KDM4C: variants seen among roughly 807,000 people sequenced by gnomAD.
KDM4C encodes lysine-specific demethylase 4C.
KDM4C carries 81 observed loss-of-function variants against 129.3 expected under a neutral mutation model. The observed-to-expected ratio is 0.63, with a 90% CI of 0.52 to 0.75. KDM4C has a LOEUF of 0.75. Among genes scored for constraint, KDM4C ranks in the 30% least tolerant of loss-of-function variants. KDM4C has a pLI of 0.00. For synonymous variants in KDM4C, 573 were observed against 456.1 expected (o/e 1.26, Z -3.26); for missense variants, 1,457 against 1,304.0 (o/e 1.12, Z -1.81).
At chr9:7,052,355 T>A (rs889835568) in intron 17 of KDM4C, among the ~76,000 whole-genome samples, 2 of 152,234 alleles carry the variant, frequency 1.3e-5, no homozygotes, top group African/African-American at 4.8e-5. Context: ...TATGTGTATA[T>A]GCACATAGTA....
chr9:6,932,937 C>CATGCAT (rs1268906666), intron 8 of KDM4C, among the ~76,000 whole-genome samples: 1 of 152,192 alleles, frequency 6.6e-6, no homozygotes, highest in Admixed American at 6.5e-5. Flanking sequence ...AACCATCTTT[C>CATGCAT]ATGCATTAAG....
At chr9:6,750,718 G>A (rs1445105484) in intron 1 of KDM4C, among the ~76,000 whole-genome samples, 2 of 152,226 alleles carry the variant, frequency 1.3e-5, no homozygotes, top group African/African-American at 4.8e-5. Flanking sequence ...GGCTCAACAA[G>A]GTCAGAAAGT....
At chr9:6,803,135 G>T (rs1264466687) in intron 2 of KDM4C, among the ~76,000 whole-genome samples, 1 of 152,106 alleles carries the variant, frequency 6.6e-6, no homozygotes, top group Non-Finnish European at 1.5e-5. Flanking sequence ...GCGCTTGGAG[G>T]GCCTGTATCG....
intron 19 of KDM4C, among the ~76,000 whole-genome samples, chr9:7,140,118 T>G (rs746611845): frequency 1.6e-4 from 24 of 152,136 alleles, no homozygotes; most frequent in Non-Finnish European, 2.2e-4. Context: ...TTCAGGTGTT[T>G]CCCATGTATT....
At chr9:6,896,864 C>T (rs1816544387) in intron 8 of KDM4C, among the ~76,000 whole-genome samples, 1 of 152,184 alleles carries the variant, frequency 6.6e-6, no homozygotes, top group Non-Finnish European at 1.5e-5. Context: ...CTGTTGGCTA[C>T]TTGACTTCTT....
chr9:7,151,826 G>A (rs759344747), intron 19 of KDM4C, among the ~76,000 whole-genome samples: 1 of 152,176 alleles, frequency 6.6e-6, no homozygotes, highest in Non-Finnish European at 1.5e-5. Context: ...CACAGAACAC[G>A]CTTAGATACA....
In KDM4C at chr9:7,131,491, A is replaced by G. The variant is rs138026822; in HGVS notation, c.2781+3255A>G. Reference sequence around the variant, plus strand: ...ATTATGGAGGCTGAGAAGTCCCAAGATATTTTTGTAGAGATGGGGTCTCAC... The same window carrying G: ...ATTATGGAGGCTGAGAAGTCCCAAGGTATTTTTGTAGAGATGGGGTCTCAC... On this transcript the variant is annotated intron_variant, in intron 19 of 21. Coordinates refer to ENST00000381309, the MANE Select transcript of KDM4C (RefSeq NM_015061.6). Among the ~76,000 whole-genome samples the G allele has an allele frequency of 5.3e-5, 8 of 152,132 alleles. No homozygotes were observed. In the East Asian group the frequency reaches 1.6e-3, roughly 30 times the overall value.
chr9:7,028,188 T>C (rs1042083302), intron 15 of KDM4C, among the ~76,000 whole-genome samples: 1 of 151,958 alleles, frequency 6.6e-6, no homozygotes, highest in African/African-American at 2.4e-5. Flanking sequence ...TACCTAGGAA[T>C]GTGCTGACTT....
intron 20 of KDM4C, among the ~76,000 whole-genome samples, chr9:7,165,564 GC>G (rs1467937635): frequency 6.6e-6 from 1 of 152,242 alleles, no homozygotes; most frequent in Non-Finnish European, 1.5e-5. Flanking sequence ...ACTCTTAACA[GC>G]ATTTGATGAA....
chr9:7,002,923 C>T (rs146771240), intron 12 of KDM4C, among the ~76,000 whole-genome samples: 4 of 152,308 alleles, frequency 2.6e-5, no homozygotes, highest in African/African-American at 7.2e-5. Flanking sequence ...TGCGGTGGCA[C>T]GATCTCGGCT....
chr9:6,786,337 G>C (rs72699665), intron 1 of KDM4C, among the ~76,000 whole-genome samples: 12,183 of 152,218 alleles, frequency 0.08, 696 homozygotes, highest in South Asian at 0.23. Flanking sequence ...ATATGAGTTA[G>C]TGCTGGACTT....
chr9:6,787,660 C>G (rs1443702542), intron 1 of KDM4C, among the ~76,000 whole-genome samples: 2 of 152,254 alleles, frequency 1.3e-5, no homozygotes, highest in Admixed American at 1.3e-4. Flanking sequence ...CCATCATGGT[C>G]CAAGCTGCCG....
At chr9:6,762,000 G>A (rs1394370231) in intron 1 of KDM4C, among the ~76,000 whole-genome samples, 1 of 151,782 alleles carries the variant, frequency 6.6e-6, no homozygotes, top group African/African-American at 2.4e-5. Context: ...GGGTTTCACC[G>A]TGTTGGCCAG....
At chr9:6,992,367 G>A (rs1818909266) in intron 12 of KDM4C, among the ~76,000 whole-genome samples, 1 of 152,206 alleles carries the variant, frequency 6.6e-6, no homozygotes, top group South Asian at 2.1e-4. Context: ...GTTTGATGAA[G>A]TCGTCTCAAG....
chr9:7,060,454 GTTATTATTATTATTA>G (rs147100950), intron 17 of KDM4C, among the ~76,000 whole-genome samples: 12 of 127,534 alleles, frequency 9.4e-5, no homozygotes, highest in South Asian at 4.8e-4. Context: ...CAGTATTGTT[GTTATTATTATTATTA>G]TTATTATTAT....
intron 15 of KDM4C, among the ~76,000 whole-genome samples, chr9:7,043,361 G>A (rs1828899350): frequency 6.6e-6 from 1 of 151,988 alleles, no homozygotes; most frequent in South Asian, 2.1e-4. Context: ...GTTTTGTGTA[G>A]TGCCTTACAT....
intron 16 of KDM4C, among the ~76,000 whole-genome samples, chr9:7,048,073 C>T (rs1829661321): frequency 1.3e-5 from 2 of 152,000 alleles, no homozygotes; most frequent in African/African-American, 2.4e-5. Context: ...CTTCCACAGT[C>T]CTGGTTGATA....
intron 4 of KDM4C, among the ~76,000 whole-genome samples, chr9:6,829,334 A>G (rs1470889389): frequency 2.0e-5 from 3 of 152,200 alleles, no homozygotes; most frequent in African/African-American, 7.2e-5. Context: ...TGAGTTCTGG[A>G]TGATTGGCAT....
At position 6,989,063 on chromosome 9, in the gene KDM4C, C is replaced by T. The variant is rs374822709; in HGVS notation, c.1678-1353C>T. Among the ~76,000 whole-genome samples, 256 of 152,284 alleles carry T rather than the reference C, an allele frequency of 1.7e-3. 2 individuals are homozygous for T. The highest frequency in any genetic ancestry group is 2.8e-3 in the Non-Finnish European group (192 of 68,036). On this transcript the variant is annotated intron_variant, in intron 11 of 21. Coordinates refer to ENST00000381309, the MANE Select transcript of KDM4C (RefSeq NM_015061.6). ...CCTGCTATAGCTCCAGCTATGACAACGGTATGGTGCATAGTAGTGTGTTGA... is the reference window on the plus strand; with the variant it reads ...CCTGCTATAGCTCCAGCTATGACAATGGTATGGTGCATAGTAGTGTGTTGA...
Sources: allele counts gnomAD v4.1 joint callset (sites outside exome capture counted in the v4.1 genomes callset), GRCh38; gene constraint gnomAD v4.1.1; transcripts MANE v1.5; gene names NCBI Gene and HGNC (gene_info 2026-07-23, HGNC 2026-07-21).